The following OR4N2 variants were observed in gnomAD, a reference collection of about 807,000 sequenced individuals.
OR4N2 encodes the protein olfactory receptor family 4 subfamily N member 2.
For synonymous variants in OR4N2, 141 were observed against 140.4 expected (o/e 1.00, Z -0.03); for missense variants, 307 against 377.6 (o/e 0.81, Z 1.55).
In OR4N2 at chr14:19,829,207, G is replaced by T. The variant is rs1879805064; in HGVS notation, c.*835G>T. On this transcript the variant is annotated 3_prime_UTR_variant, in exon 2 of 2. Transcript: ENST00000557677. ...AAAGCTGGTTACTTTTACTGAAAAA[G>T]ATCACAAAAACATTTTACTTTTTTT... 1 of 152,200 alleles carries T rather than the reference G, an allele frequency of 6.6e-6. No homozygotes were observed. Among genetic ancestry groups the T allele is most frequent in the African/African-American group, 2.4e-5 (1 of 41,456 alleles). The allele number at this position is 152,200 out of a possible 1,614,324, so 9.4% of individuals were successfully genotyped here.
intron 1 of OR4N2, among the ~76,000 whole-genome samples, chr14:19,817,729 G>T (rs1157535041): frequency 6.6e-6 from 1 of 152,204 alleles, no homozygotes; most frequent in African/African-American, 2.4e-5. Context: ...TCTTCTGCTA[G>T]CTTTTGAATT....
In OR4N2 at chr14:19,828,335, C is replaced by T. The variant is rs372031512; in HGVS notation, c.887C>T (p.Ala296Val). 2.5e-5 allele frequency: 40 copies of T among 1,612,922 alleles called. No homozygotes were observed. In the African/African-American group the frequency reaches 2.8e-4, roughly 11 times the overall value. Reference protein sequence around the residue: ...IYTLRNQEVKASMKKVFNKHI... With the variant: ...IYTLRNQEVKVSMKKVFNKHI... ...ACCCTTCGCAACCAGGAAGTGAAAG[C>T]TTCCATGAAAAAGGTGTTTAATAAG... The change falls in exon 2 of 2, where the codon GCT becomes GTT. Residue 296 changes from alanine (A) to valine (V), a missense_variant. By Grantham distance (64) the Ala-to-Val change is moderately conservative. Coordinates refer to ENST00000557677, the MANE Select transcript of OR4N2 (RefSeq NM_001004723.3).
In OR4N2 at chr14:19,827,505, G is replaced by T. The variant is rs551672122; in HGVS notation, c.57G>T (p.Gln19His). Residue 19 changes from glutamine (Q) to histidine (H), a missense_variant, in exon 2 of 2, where the codon CAG becomes CAT. By Grantham distance (24) the Gln-to-His change is conservative. Coordinates refer to ENST00000557677, the MANE Select transcript of OR4N2 (RefSeq NM_001004723.3). The part of the protein sequence containing the change: ...IREFILLGLT[Q>H]SQDIQLLVFV... ...AATTCATCCTCCTTGGTCTGACCCA[G>T]TCTCAAGATATTCAGCTCCTGGTCT... The T allele has an allele frequency of 6.2e-7, 1 of 1,613,202 alleles. No homozygotes were observed. Among genetic ancestry groups the T allele is most frequent in the South Asian group, 1.1e-5 (1 of 90,954 alleles).
At chr14:19,816,007 G>T (rs1169162155) in intron 1 of OR4N2, among the ~76,000 whole-genome samples, 3 of 152,226 alleles carry the variant, frequency 2.0e-5, no homozygotes, top group Admixed American at 1.3e-4. Context: ...TCAGATGGTT[G>T]TAGACGTGTG....
chr14:19,804,461 C>A (rs1412706044), intron 1 of OR4N2, among the ~76,000 whole-genome samples: 3 of 152,048 alleles, frequency 2.0e-5, no homozygotes, highest in African/African-American at 7.2e-5. Flanking sequence ...CGTTGTTTAC[C>A]CAAAAGTCAT....
chr14:19,819,304 C>T (rs533379047), intron 1 of OR4N2, among the ~76,000 whole-genome samples: 5 of 152,316 alleles, frequency 3.3e-5, no homozygotes, highest in Admixed American at 6.5e-5. Flanking sequence ...CTATTCTCCC[C>T]GTCACTTTCA....
rs376189401 is a variant in OR4N2, at chr14:19,821,527, T to C, written c.-9-5913T>C. Among the ~76,000 whole-genome samples the C allele has an allele frequency of 2.0e-5, 3 of 152,232 alleles. No individual in the cohort carries two copies. The East Asian group carries it at 5.8e-4, about 29-fold the overall frequency. On this transcript the variant is annotated intron_variant, in intron 1 of 1. Coordinates refer to ENST00000557677, the MANE Select transcript of OR4N2 (RefSeq NM_001004723.3). ...CGTGGTACAAAGCAATAATCTCTCA[T>C]CATTTATTTAATATTTTTCTCCTTT...
chr14:19,813,054 T>G (rs1014027149), intron 1 of OR4N2, among the ~76,000 whole-genome samples: 2 of 152,246 alleles, frequency 1.3e-5, no homozygotes, highest in Non-Finnish European at 2.9e-5. Flanking sequence ...TTTTGAGGAC[T>G]ATTTTAGATC....
chr14:19,826,596 G>A (rs1879706452), intron 1 of OR4N2, among the ~76,000 whole-genome samples: 1 of 152,368 alleles, frequency 6.6e-6, no homozygotes, highest in South Asian at 2.1e-4. Flanking sequence ...TTGAGATAAT[G>A]ATATTTTAAA....
At chr14:19,810,038 A>G (rs1879257613) in intron 1 of OR4N2, among the ~76,000 whole-genome samples, 1 of 152,270 alleles carries the variant, frequency 6.6e-6, no homozygotes, top group Non-Finnish European at 1.5e-5. Flanking sequence ...GCAGAGCAGA[A>G]TGAACTGTCA....
chr14:19,825,464 G>A (rs1407732203), intron 1 of OR4N2, among the ~76,000 whole-genome samples: 3 of 150,398 alleles, frequency 2.0e-5, no homozygotes, highest in African/African-American at 7.4e-5. Context: ...AGGTACTGTT[G>A]CAGTAGCATT....
chr14:19,804,038 G>C (rs533791765), intron 1 of OR4N2, among the ~76,000 whole-genome samples, 194 bp downstream of exon 1: 25 of 152,292 alleles, frequency 1.6e-4, no homozygotes, highest in Admixed American at 3.3e-4. Flanking sequence ...GGGGTTGGTG[G>C]TAATGTTCCC....
rs1379697286 is a variant in OR4N2, at chr14:19,829,615, C to G, written c.*1243C>G. ...GGATCAAGTTGATGATCTGGAATCA[C>G]TTTGGACCTAACAAATCGCCCCTAG... On this transcript the variant is annotated 3_prime_UTR_variant, in exon 2 of 2. Transcript: ENST00000557677. The G allele has an allele frequency of 6.6e-6, 1 of 152,284 alleles. No homozygotes were observed. The highest frequency in any genetic ancestry group is 1.5e-5 in the Non-Finnish European group (1 of 68,084). 9.4% of individuals were successfully genotyped at this position (152,284 alleles called of 1,614,324 possible).
Position 19,818,932 on chromosome 14 carries a change from C to T in OR4N2, c.-9-8508C>T, listed in dbSNP as rs112031628. On this transcript the variant is annotated intron_variant, in intron 1 of 1. Coordinates refer to ENST00000557677, the MANE Select transcript of OR4N2 (RefSeq NM_001004723.3). ...TCTGTAAAGGATTTTCTTTCTCCTT[C>T]GCTTATGAAGCTTAGTTTGGCTGGA... Among the ~76,000 whole-genome samples the T allele has an allele frequency of 5.9e-3, 897 of 152,154 alleles. 1 individual carries two copies. The highest frequency in any genetic ancestry group is 0.014 in the South Asian group (66 of 4,810).
At chr14:19,804,969 T>C (rs957091853) in intron 1 of OR4N2, among the ~76,000 whole-genome samples, 1 of 152,224 alleles carries the variant, frequency 6.6e-6, no homozygotes, top group African/African-American at 2.4e-5. Flanking sequence ...TCTTTTTCGA[T>C]TATTATTGGT....
chr14:19,812,179 A>C (rs560226391), intron 1 of OR4N2, among the ~76,000 whole-genome samples: 82 of 152,134 alleles, frequency 5.4e-4, no homozygotes, highest in Non-Finnish European at 8.2e-4. Context: ...AAATGTTATT[A>C]TTCTTCTTCC....
At position 19,825,470 on chromosome 14, in the gene OR4N2, G is replaced by A. The variant is rs188404741; in HGVS notation, c.-9-1970G>A. Among the ~76,000 whole-genome samples the A allele has an allele frequency of 1.6e-4, 23 of 148,248 alleles. No individual in the cohort carries two copies. The East Asian group carries it at 4.3e-3, about 27-fold the overall frequency. ...TTCTTTTCTAGGTACTGTTGCAGTA[G>A]CATTTTCTGTCAAAGAAATATTTTC... On this transcript the variant is annotated intron_variant, in intron 1 of 1. Coordinates refer to ENST00000557677, the MANE Select transcript of OR4N2 (RefSeq NM_001004723.3).
chr14:19,820,613 C>T (rs1227219883), intron 1 of OR4N2, among the ~76,000 whole-genome samples: 1 of 152,252 alleles, frequency 6.6e-6, no homozygotes, highest in Non-Finnish European at 1.5e-5. Flanking sequence ...GCCTTTCTTT[C>T]AGAGATACCC....
At chr14:19,812,434 A>T (rs1879324177) in intron 1 of OR4N2, among the ~76,000 whole-genome samples, 1 of 149,234 alleles carries the variant, frequency 6.7e-6, no homozygotes, top group Non-Finnish European at 1.5e-5. Flanking sequence ...AGTTCACGCC[A>T]TTCTCCTGCC....
Sources: allele counts gnomAD v4.1 joint callset (sites outside exome capture counted in the v4.1 genomes callset), GRCh38; gene constraint gnomAD v4.1.1; transcripts MANE v1.5; gene names NCBI Gene and HGNC (gene_info 2026-07-23, HGNC 2026-07-21).